FARP1: variants seen among roughly 807,000 people sequenced by gnomAD.
FARP1 encodes FERM, ARH/RhoGEF and pleckstrin domain protein 1, also known as FERM, ARHGEF and pleckstrin domain-containing protein 1.
Under a neutral mutation model 128.8 loss-of-function variants are expected in FARP1, and 52 were observed. The ratio of observed to expected loss-of-function variants is 0.40; its 90% CI spans 0.32 to 0.51. FARP1 has a LOEUF of 0.51. FARP1 is among the 20% of genes least tolerant of loss of function. The pLI is 0.45. For missense variants in FARP1, 1,333 were observed against 1,367.9 expected, an observed-to-expected ratio of 0.97 and a Z score of 0.40; for synonymous variants, 580 against 551.8, an observed-to-expected ratio of 1.05 and a Z score of -0.72.
chr13:98,284,611 T>C (rs1305212002), intron 2 of FARP1, among the ~76,000 whole-genome samples: 1 of 151,586 alleles, frequency 6.6e-6, no homozygotes, highest in African/African-American at 2.4e-5. Flanking sequence ...CTGATTACAT[T>C]AAGGATATCT....
At position 98,238,476 on chromosome 13, in the gene FARP1, T is replaced by C. The variant is rs1318495564; in HGVS notation, c.171+25063T>C. 2.6e-5 allele frequency among the ~76,000 whole-genome samples: 4 copies of C among 152,200 alleles called. No individual in the cohort carries two copies. The East Asian group carries it at 5.8e-4, about 22-fold the overall frequency. On this transcript the variant is annotated intron_variant, in intron 2 of 26. Transcript: ENST00000319562. ...GTGCTAATAAAGACATATCTGAGAC[T>C]GGGTAATTTATTAAAAAAAGAGGGT...
At chr13:98,207,847 T>C (rs1258407765) in intron 1 of FARP1, among the ~76,000 whole-genome samples, 33 of 150,982 alleles carry the variant, frequency 2.2e-4, no homozygotes, top group Admixed American at 2.1e-3. Flanking sequence ...GCCTGGCTTG[T>C]GAAGATTATT....
intron 3 of FARP1, among the ~76,000 whole-genome samples, chr13:98,358,599 C>T (rs1594441693): frequency 6.6e-6 from 1 of 152,022 alleles, no homozygotes; most frequent in South Asian, 2.1e-4. Flanking sequence ...TACTTTGAAA[C>T]AAATTATTAC....
At chr13:98,200,125 AATTG>A (rs1434965022) in intron 1 of FARP1, among the ~76,000 whole-genome samples, 1 of 152,240 alleles carries the variant, frequency 6.6e-6, no homozygotes, top group Non-Finnish European at 1.5e-5. Flanking sequence ...AGAAATTAAA[AATTG>A]ATTGGAAAAG....
At chr13:98,227,791 TA>T (rs1301767721) in intron 2 of FARP1, among the ~76,000 whole-genome samples, 2 of 152,142 alleles carry the variant, frequency 1.3e-5, no homozygotes, top group African/African-American at 4.8e-5. Flanking sequence ...TATTCAGTCT[TA>T]AAAAGGAAGG....
Position 98,385,674 on chromosome 13 carries a change from A to G in FARP1, c.619A>G (p.Thr207Ala). Residue 207 changes from threonine to alanine, a missense_variant, in exon 8 of 27, where the codon ACA (threonine) becomes GCA (alanine). This residue lies in a region of FARP1 where 324 missense variants were observed against 398.1 expected (regional missense o/e 0.81). Coordinates refer to ENST00000319562, the MANE Select transcript of FARP1 (RefSeq NM_005766.4). The part of the protein sequence containing the change: ...VEFHHNHIGQ[T>A]PAESDFQLLE... ...TAATTTTTGTTTTGTCAGTGGACAA[A>G]CACCAGCAGAATCAGATTTCCAGCT... The G allele has an allele frequency of 6.2e-7, 1 of 1,614,186 alleles. No homozygotes were observed. Among genetic ancestry groups the G allele is most frequent in the Non-Finnish European group, 8.5e-7 (1 of 1,180,030 alleles).
intron 3 of FARP1, among the ~76,000 whole-genome samples, chr13:98,344,599 A>G (rs1888103333): frequency 6.6e-6 from 1 of 152,132 alleles, no homozygotes; most frequent in Admixed American, 6.6e-5. Flanking sequence ...GGATTCAAGA[A>G]TCTTGTGATT....
chr13:98,219,792 A>G (rs1353058899), intron 2 of FARP1, among the ~76,000 whole-genome samples: 1 of 151,656 alleles, frequency 6.6e-6, no homozygotes, highest in Non-Finnish European at 1.5e-5. Context: ...AGTCCCCCCT[A>G]GTTGCTGAGA....
chr13:98,392,195 G>A (rs538143001), intron 11 of FARP1, among the ~76,000 whole-genome samples: 5 of 151,734 alleles, frequency 3.3e-5, no homozygotes, highest in Admixed American at 6.6e-5. Flanking sequence ...GTGTAGAATT[G>A]CTCTGGAGGC....
At chr13:98,430,604 G>A (rs887912614) in intron 17 of FARP1, among the ~76,000 whole-genome samples, 2 of 152,184 alleles carry the variant, frequency 1.3e-5, no homozygotes, top group African/African-American at 2.4e-5. Flanking sequence ...GAGCAGACGG[G>A]GCGAGGGAAG....
At chr13:98,212,003 C>T (rs1880746233) in intron 1 of FARP1, among the ~76,000 whole-genome samples, 1 of 104,820 alleles carries the variant, frequency 9.5e-6, no homozygotes, top group Non-Finnish European at 2.0e-5. Context: ...CTTTGACAGC[C>T]ACGAGCACAG....
chr13:98,440,245 G>A lies in FARP1; in HGVS notation c.2629+10G>A, dbSNP rs1892468582. 1.2e-5 allele frequency: 19 copies of A among 1,598,748 alleles called. No homozygotes were observed. In the East Asian group the frequency reaches 3.8e-4, roughly 32 times the overall value. ...AGCCCCCCTGACAACAGTGAGTGTG[G>A]CCAGGGCAGCTTTCCCATGCAGGGG... On this transcript the variant is annotated intron_variant, in intron 23 of 26. Transcript: ENST00000319562.
At chr13:98,238,101 G>C (rs1465664984) in intron 2 of FARP1, among the ~76,000 whole-genome samples, 1 of 152,150 alleles carries the variant, frequency 6.6e-6, no homozygotes, top group Non-Finnish European at 1.5e-5. Context: ...TTTAGAAAAA[G>C]GTTTGACTTA....
At chr13:98,196,621 A>G (rs1483066762) in intron 1 of FARP1, among the ~76,000 whole-genome samples, 1 of 152,206 alleles carries the variant, frequency 6.6e-6, no homozygotes, top group Non-Finnish European at 1.5e-5. Flanking sequence ...GAAAATGTCA[A>G]AAGTTAGGAT....
intron 2 of FARP1, among the ~76,000 whole-genome samples, chr13:98,224,526 C>CAAAAAA (rs1203238924): frequency 2.0e-5 from 1 of 50,264 alleles, no homozygotes; most frequent in Non-Finnish European, 4.7e-5. Flanking sequence ...GACTCTGTCT[C>CAAAAAA]AAAAAAAAAA....
At position 98,395,382 on chromosome 13, in the gene FARP1, G is replaced by A. The variant is rs58037061; in HGVS notation, c.1320G>A (p.Ala440=). ...GAAGCCCCGCGGGTAACAAGCAGGCGGACGGAGCCGCCTCGGCGCCCACGG... is the reference window on the plus strand; with the variant it reads ...GAAGCCCCGCGGGTAACAAGCAGGCAGACGGAGCCGCCTCGGCGCCCACGG... ...PRRSPAGNKQ[A]DGAASAPTEE... Residue 440 remains alanine (A), a synonymous_variant, in exon 13 of 27, where the codon GCG becomes GCA. Coordinates refer to ENST00000319562, the MANE Select transcript of FARP1 (RefSeq NM_005766.4). 832 of 1,611,778 alleles carry A rather than the reference G, an allele frequency of 5.2e-4. 10 individuals are homozygous for A. In the East Asian group the frequency reaches 0.014, roughly 28 times the overall value.
rs1390587778 is a variant in FARP1, at chr13:98,446,106, G to A, written c.2805G>A (p.Leu935=). Residue 935 remains leucine, a synonymous_variant, in exon 25 of 27, where the codon TTG becomes TTA. Transcript: ENST00000319562. ...VDFSIAVENQ[L]SGNLLRKFKN... Reference sequence around the variant, plus strand: ...GCCTCCTTGCCTTTCAGAATCAGTTGTCTGGAAACCTGCTGAGGAAATTCA... The same window carrying A: ...GCCTCCTTGCCTTTCAGAATCAGTTATCTGGAAACCTGCTGAGGAAATTCA... 2.5e-6 allele frequency: 4 copies of A among 1,613,186 alleles called. No individual in the cohort carries two copies. Among genetic ancestry groups the A allele is most frequent in the Admixed American group, 1.7e-5 (1 of 59,992 alleles).
In FARP1 at chr13:98,395,597, G is replaced by A. The variant is rs114699442; in HGVS notation, c.1414+121G>A. The A allele has an allele frequency of 2.6e-4, 307 of 1,193,932 alleles. No homozygotes were observed. In the African/African-American group the frequency reaches 4.2e-3, roughly 16 times the overall value. The allele number at this position is 1,193,932 out of a possible 1,614,324, so 74.0% of individuals were successfully genotyped here. A position where few individuals can be genotyped will look rare whatever the true frequency, so the allele number is the denominator to read the frequency against. On this transcript the variant is annotated intron_variant, in intron 13 of 26. Coordinates refer to ENST00000319562, the MANE Select transcript of FARP1 (RefSeq NM_005766.4). ...GCGTCCCGATCCCGGTCCCGATCCC[G>A]GTCCCGGTCCCAAACAAATGACAAT...
At chr13:98,446,379 C>CTGACAT (rs1284458725) in intron 25 of FARP1, 174 bp downstream of exon 25, 1 of 603,110 alleles carries the variant, frequency 1.7e-6, no homozygotes, top group African/African-American at 1.9e-5. Context: ...CTAGGGAAGA[C>CTGACAT]TGACATTATC....
Sources: allele counts gnomAD v4.1 joint callset (sites outside exome capture counted in the v4.1 genomes callset), GRCh38; gene constraint gnomAD v4.1.1; regional missense constraint gnomAD v4.1.1; transcripts MANE v1.5; gene names NCBI Gene and HGNC (gene_info 2026-07-23, HGNC 2026-07-21).